SLC16A7: variants seen among roughly 807,000 people sequenced by gnomAD.
The protein encoded by SLC16A7 is solute carrier family 16 member 7.
SLC16A7 carries 33 observed loss-of-function variants against 34.9 expected under a neutral mutation model. That is an observed-to-expected ratio of 0.94 (90% CI 0.72 to 1.26). The LOEUF is 1.26. Ranked by LOEUF, SLC16A7 falls within the 50% of genes most tolerant of loss-of-function variation. The pLI is 0.00. For missense variants in SLC16A7, 573 were observed against 578.1 expected (o/e 0.99, Z 0.09); for synonymous variants, 201 against 206.6 (o/e 0.97, Z 0.23).
rs190741528 is a variant in SLC16A7 at position 59,755,439 on chromosome 12, C to T, written c.218-15780C>T. ...ATAGAAAATTAATGTACAAAAATCA[C>T]AAGCATTCTTATATACCAATAACAG... is the stretch of plus-strand genomic sequence containing the variant. On this transcript the variant is annotated intron_variant, in intron 3 of 5. Coordinates refer to ENST00000547379, the MANE Select transcript of SLC16A7 (RefSeq NM_001270623.2). Among the ~76,000 whole-genome samples, 245 of 152,290 alleles carry T rather than the reference C, an allele frequency of 1.6e-3. 2 individuals carry two copies. Among genetic ancestry groups the T allele is most frequent in the East Asian group, 1.7e-3 (9 of 5,190 alleles).
At chr12:59,603,686 G>A (rs1027866928) in intron 1 of SLC16A7, among the ~76,000 whole-genome samples, 1 of 152,076 alleles carries the variant, frequency 6.6e-6, no homozygotes, top group Non-Finnish European at 1.5e-5. Context: ...TAATTATTCA[G>A]TTTCTTAATA....
intron 1 of SLC16A7, among the ~76,000 whole-genome samples, chr12:59,620,790 C>G (rs562923281): frequency 4.0e-5 from 6 of 151,870 alleles, no homozygotes; most frequent in African/African-American, 1.4e-4. Flanking sequence ...GAGTATTAAT[C>G]AGAAACCAAT....
chr12:59,705,672 T>A (rs1026994639), intron 3 of SLC16A7, among the ~76,000 whole-genome samples: 3 of 152,160 alleles, frequency 2.0e-5, no homozygotes, highest in Non-Finnish European at 4.4e-5. Context: ...AATTTGGAAT[T>A]ATTGGTGCCT....
intron 3 of SLC16A7, among the ~76,000 whole-genome samples, chr12:59,708,103 T>G (rs560625298): frequency 5.3e-5 from 8 of 152,262 alleles, no homozygotes; most frequent in African/African-American, 1.9e-4. Context: ...TGGAAATAAT[T>G]TTCTTAATGT....
At chr12:59,729,133 TTA>T (rs1876635181) in intron 3 of SLC16A7, among the ~76,000 whole-genome samples, 1 of 152,232 alleles carries the variant, frequency 6.6e-6, no homozygotes, top group Non-Finnish European at 1.5e-5. Context: ...TTAATCATAT[TTA>T]TGTGTGGTTT....
chr12:59,733,479 G>C (rs374758147), intron 3 of SLC16A7, among the ~76,000 whole-genome samples: 1 of 152,268 alleles, frequency 6.6e-6, no homozygotes, highest in South Asian at 2.1e-4. Flanking sequence ...TGGCTGGACC[G>C]GGCATACCAC....
chr12:59,691,840 G>A (rs1309401641), intron 2 of SLC16A7, among the ~76,000 whole-genome samples: 2 of 151,836 alleles, frequency 1.3e-5, no homozygotes, highest in Non-Finnish European at 2.9e-5. Flanking sequence ...AAATGATGTT[G>A]CCCTGGACAT....
intron 3 of SLC16A7, chr12:59,768,309 C>T (rs1592681856): frequency 7.4e-6 from 3 of 402,920 alleles, no homozygotes. Context: ...TTAAGAGGCT[C>T]AGGACTTCAG....
intron 1 of SLC16A7, among the ~76,000 whole-genome samples, chr12:59,654,265 C>G (rs939592538): frequency 1.3e-5 from 2 of 151,028 alleles, no homozygotes; most frequent in East Asian, 3.9e-4. Flanking sequence ...GTTATTAATA[C>G]TTAATAATAT....
chr12:59,743,349 G>T (rs1455859960), intron 3 of SLC16A7, among the ~76,000 whole-genome samples: 1 of 152,134 alleles, frequency 6.6e-6, no homozygotes, highest in Non-Finnish European at 1.5e-5. Context: ...TCATTTAAAT[G>T]CCTTTGCATT....
chr12:59,607,041 A>T (rs568722251), intron 1 of SLC16A7, among the ~76,000 whole-genome samples: 14 of 152,298 alleles, frequency 9.2e-5, no homozygotes, highest in African/African-American at 3.1e-4. Flanking sequence ...TTTTTGGAAT[A>T]TATCCACACC....
At chr12:59,679,673 A>G (rs1870594815) in intron 2 of SLC16A7, among the ~76,000 whole-genome samples, 3 of 152,204 alleles carry the variant, frequency 2.0e-5, no homozygotes, top group South Asian at 2.1e-4. Context: ...ATCAGAAACT[A>G]TATCTTATGT....
chr12:59,699,715 G>A (rs531015726), intron 2 of SLC16A7, among the ~76,000 whole-genome samples: 1 of 151,802 alleles, frequency 6.6e-6, no homozygotes, highest in African/African-American at 2.4e-5. Flanking sequence ...TCCTTATTAT[G>A]AGTGGTTCCA....
intron 2 of SLC16A7, among the ~76,000 whole-genome samples, chr12:59,679,246 G>C (rs1870555170): frequency 6.6e-6 from 1 of 152,148 alleles, no homozygotes; most frequent in Non-Finnish European, 1.5e-5. Flanking sequence ...GGCCACAGCT[G>C]CTCCCAGGGA....
intron 1 of SLC16A7, among the ~76,000 whole-genome samples, chr12:59,626,144 A>G (rs1057142040): frequency 6.6e-6 from 1 of 151,964 alleles, no homozygotes; most frequent in African/African-American, 2.4e-5. Flanking sequence ...ATCATATTAT[A>G]GAAAATAATC....
chr12:59,680,842 C>T (rs1870690460), intron 2 of SLC16A7, among the ~76,000 whole-genome samples: 1 of 152,042 alleles, frequency 6.6e-6, no homozygotes, highest in Non-Finnish European at 1.5e-5. Flanking sequence ...TGGCTGTTCA[C>T]CCTTCATTTG....
chr12:59,603,047 C>T (rs1369466806), intron 1 of SLC16A7, among the ~76,000 whole-genome samples: 1 of 152,156 alleles, frequency 6.6e-6, no homozygotes, highest in Non-Finnish European at 1.5e-5. Flanking sequence ...TTGATATCAG[C>T]AGTATTCTAG....
chr12:59,661,215 A>AAGATTTGGGATTTTGAGTAGAG (rs1323769068), intron 2 of SLC16A7, among the ~76,000 whole-genome samples: 2 of 152,018 alleles, frequency 1.3e-5, no homozygotes, highest in African/African-American at 4.8e-5. Context: ...AATTTAGGCT[A>AAGATTTGGGATTTTGAGTAGAG]AGATTTGGGA....
At position 59,626,634 on chromosome 12, in the gene SLC16A7, T is replaced by A. The variant is rs192579824; in HGVS notation, c.-129-28518T>A. 6.0e-3 allele frequency among the ~76,000 whole-genome samples: 915 copies of A among 151,874 alleles called. 5 individuals are homozygous for A. The highest frequency in any genetic ancestry group is 0.021 in the African/African-American group (858 of 41,484). ...TCTTCCCACATTTGCCAGCCACCCA[T>A]CCTGGCACAGAAATGAACATATGAC... is the stretch of plus-strand genomic sequence containing the variant. On this transcript the variant is annotated intron_variant, in intron 1 of 5. Transcript: ENST00000547379.
Sources: allele counts gnomAD v4.1 joint callset (sites outside exome capture counted in the v4.1 genomes callset), GRCh38; gene constraint gnomAD v4.1.1; transcripts MANE v1.5; gene names NCBI Gene and HGNC (gene_info 2026-07-23, HGNC 2026-07-21).